GSE1: variants seen among roughly 807,000 people sequenced by gnomAD.
The protein encoded by GSE1 is genetic suppressor element 1.
In GSE1, 32 loss-of-function variants were observed where a neutral mutation model predicts 112.6. The ratio of observed to expected loss-of-function variants is 0.28; its 90% CI spans 0.21 to 0.38. The LOEUF is 0.38. GSE1 is among the 10% of genes least tolerant of loss of function. The pLI, the probability that GSE1 is intolerant of heterozygous loss-of-function variation, is 1.00. For missense variants in GSE1, 2,348 were observed against 1,699.2 expected (o/e 1.38, Z -6.71); for synonymous variants, 1,115 against 735.6 (o/e 1.52, Z -8.35).
intron 2 of GSE1, among the ~76,000 whole-genome samples, chr16:85,364,576 C>T (rs1452919187): frequency 2.0e-5 from 3 of 152,196 alleles, no homozygotes; most frequent in African/African-American, 7.2e-5. Flanking sequence ...TTGAGTGACT[C>T]AGGATCCCGG....
At chr16:85,208,807 G>A (rs1475604459) in intron 1 of GSE1, among the ~76,000 whole-genome samples, 1 of 107,204 alleles carries the variant, frequency 9.3e-6, no homozygotes, top group Non-Finnish European at 2.2e-5. Flanking sequence ...CCTGTGTTGG[G>A]GTTTGCCACG....
intron 2 of GSE1, among the ~76,000 whole-genome samples, chr16:85,378,024 CAT>C (rs930708788): frequency 2.0e-5 from 3 of 152,216 alleles, no homozygotes; most frequent in African/African-American, 4.8e-5. Flanking sequence ...CTTGGGAACA[CAT>C]GTGGTCAAGT....
intron 2 of GSE1, among the ~76,000 whole-genome samples, chr16:85,390,251 G>A (rs1027276258): frequency 3.9e-5 from 6 of 152,100 alleles, no homozygotes; most frequent in Admixed American, 2.0e-4. Flanking sequence ...AGCTTTGTGC[G>A]GTCACAGGCA....
chr16:85,662,232 T>G, intron 9 of GSE1: 1 of 156,882 alleles, frequency 6.4e-6, no homozygotes, highest in Non-Finnish European at 1.4e-5. Flanking sequence ...GGTCAGGCAC[T>G]TCATTCTTAT....
intron 1 of GSE1, among the ~76,000 whole-genome samples, chr16:85,316,628 C>A (rs2045991089): frequency 1.3e-5 from 2 of 152,228 alleles, no homozygotes; most frequent in South Asian, 2.1e-4. Context: ...CTCTGCCCTC[C>A]ACGGACCAGG....
chr16:85,628,865 T>C (rs1290384249), intron 1 of GSE1, among the ~76,000 whole-genome samples: 1 of 152,188 alleles, frequency 6.6e-6, no homozygotes, highest in South Asian at 2.1e-4. Context: ...CGCCATGGCC[T>C]CTGTGTACCA....
chr16:85,333,909 T>C (rs555482213), intron 1 of GSE1, among the ~76,000 whole-genome samples: 33 of 152,328 alleles, frequency 2.2e-4, no homozygotes, highest in Middle Eastern at 3.4e-3. Flanking sequence ...GCTGTTGACA[T>C]TGGGGATGTC....
chr16:85,468,533 G>A (rs892843515), intron 2 of GSE1, among the ~76,000 whole-genome samples: 1 of 151,886 alleles, frequency 6.6e-6, no homozygotes, highest in Admixed American at 6.6e-5. Context: ...GGCCAGGCTG[G>A]TCTTGAACTC....
chr16:85,346,652 T>G (rs1037236274), intron 1 of GSE1, among the ~76,000 whole-genome samples: 1 of 137,958 alleles, frequency 7.2e-6, no homozygotes, highest in Non-Finnish European at 1.6e-5. Context: ...GATGGATAAG[T>G]GGTGGATGGA....
At position 85,222,952 on chromosome 16, in the gene GSE1, C is replaced by T. The variant is rs182201021; in HGVS notation, c.2283+51145C>T. Among the ~76,000 whole-genome samples the T allele has an allele frequency of 2.6e-5, 4 of 152,112 alleles. 1 individual carries two copies. The South Asian group carries it at 8.3e-4, about 32-fold the overall frequency. On this transcript the variant is annotated intron_variant, in intron 1 of 2. Coordinates refer to the GSE1 transcript ENST00000637419. ...AATTGAAAAACTGTCTGCTATATATCCAAAAATCATGCTTGCAGAGTTCTT... is the reference window on the plus strand; with the variant it reads ...AATTGAAAAACTGTCTGCTATATATTCAAAAATCATGCTTGCAGAGTTCTT...
At chr16:85,633,297 T>C (rs1345144152) in intron 1 of GSE1, among the ~76,000 whole-genome samples, 1 of 152,202 alleles carries the variant, frequency 6.6e-6, no homozygotes, top group Non-Finnish European at 1.5e-5. Context: ...ACAGGGTCCC[T>C]GAGTGGCGGG....
At chr16:85,203,519 C>G (rs562284440) in intron 1 of GSE1, among the ~76,000 whole-genome samples, 9 of 152,286 alleles carry the variant, frequency 5.9e-5, no homozygotes, top group African/African-American at 1.9e-4. Context: ...AGCCAGCAGG[C>G]CCTTGGTGCA....
chr16:85,232,924 G>A (rs541583899), intron 1 of GSE1, among the ~76,000 whole-genome samples: 72 of 152,394 alleles, frequency 4.7e-4, no homozygotes, highest in African/African-American at 1.5e-3. Flanking sequence ...AGGTGTGAGC[G>A]TGCAAAGTGC....
chr16:85,494,453 CT>C (rs55779671), intron 2 of GSE1, among the ~76,000 whole-genome samples: 123 of 142,836 alleles, frequency 8.6e-4, no homozygotes, highest in Middle Eastern at 3.6e-3. Context: ...ATAAGGTCAC[CT>C]TTTTTTTTTT....
chr16:85,641,509 T>A (rs1320470155), intron 2 of GSE1, among the ~76,000 whole-genome samples: 1 of 151,372 alleles, frequency 6.6e-6, no homozygotes, highest in Non-Finnish European at 1.5e-5. Flanking sequence ...CCTGGGAGCC[T>A]TGTAGGGCGG....
At chr16:85,499,251 G>T (rs528815232) in intron 2 of GSE1, among the ~76,000 whole-genome samples, 8 of 150,530 alleles carry the variant, frequency 5.3e-5, no homozygotes, top group Non-Finnish European at 8.9e-5. Context: ...GGGCATCAGC[G>T]AGAGGGCGCC....
At chr16:85,634,169 G>T in intron 2 of GSE1, 37 bp downstream of exon 2, 1 of 1,356,512 alleles carries the variant, frequency 7.4e-7, no homozygotes, top group Non-Finnish European at 9.5e-7. Flanking sequence ...GGGGGGAGCG[G>T]CGGCTCCCGA....
chr16:85,529,983 T>A (rs191565974), intron 2 of GSE1, among the ~76,000 whole-genome samples: 9 of 152,346 alleles, frequency 5.9e-5, no homozygotes, highest in African/African-American at 1.9e-4. Context: ...TCAGCTAGAC[T>A]TCAGCCTGCT....
chr16:85,244,422 C>A (rs1756128714), intron 1 of GSE1, among the ~76,000 whole-genome samples: 1 of 152,168 alleles, frequency 6.6e-6, no homozygotes, highest in African/African-American at 2.4e-5. Context: ...GATTTTAGCC[C>A]AGGAGACCTT....
Sources: allele counts gnomAD v4.1 joint callset (sites outside exome capture counted in the v4.1 genomes callset), GRCh38; gene constraint gnomAD v4.1.1; transcripts MANE v1.5; gene names NCBI Gene and HGNC (gene_info 2026-07-23, HGNC 2026-07-21).